Variants in ZNF365 observed in about 807,000 individuals in gnomAD.
ZNF365 encodes zinc finger protein 365.
In ZNF365, 22 loss-of-function variants were observed where a neutral mutation model predicts 35.0. The ratio of observed to expected loss-of-function variants is 0.63; its 90% CI spans 0.45 to 0.90. The LOEUF is 0.90. Ranked by LOEUF, ZNF365 falls within the 40% of genes least tolerant of loss-of-function variation. ZNF365 has a pLI of 0.00. For synonymous variants in ZNF365, 188 were observed against 196.2 expected (o/e 0.96, Z 0.35); for missense variants, 448 against 500.3 (o/e 0.90, Z 1.00).
intron 3 of ZNF365, among the ~76,000 whole-genome samples, chr10:62,446,565 G>A (rs925684221): frequency 1.3e-5 from 2 of 151,344 alleles, no homozygotes; most frequent in African/African-American, 4.9e-5. Context: ...CTAGGCAGAA[G>A]GAAACAGCAA....
rs151086348 is a variant in ZNF365 at position 62,447,172 on chromosome 10, G to T, written c.925-12569G>T. On this transcript the variant is annotated intron_variant, in intron 3 of 4. Coordinates refer to the ZNF365 transcript ENST00000395255. ...AAGAAATTTGGGCCTTTTAATAATT[G>T]AGTACAAAAATACATACATTAATAC... 1.8e-3 allele frequency among the ~76,000 whole-genome samples: 268 copies of T among 152,194 alleles called. 1 individual carries two copies. The highest frequency in any genetic ancestry group is 5.9e-3 in the African/African-American group (244 of 41,514).
downstream of ZNF365, among the ~76,000 whole-genome samples, chr10:62,404,838 T>C (rs1015429599): frequency 6.6e-6 from 1 of 152,214 alleles, no homozygotes; most frequent in African/African-American, 2.4e-5. Flanking sequence ...GTCAACATGG[T>C]AACTTGATTT....
At position 62,400,980 on chromosome 10, in the gene ZNF365, T is replaced by C. The variant is rs920581133; in HGVS notation, c.*1191T>C. ...AATGGCTTTAGTTTCCACAAAGAGC[T>C]GTTAAGAATTTCCTGCTGTATGATT... On this transcript the variant is annotated 3_prime_UTR_variant, in exon 5 of 5. Coordinates refer to ENST00000395254, the MANE Select transcript of ZNF365 (RefSeq NM_014951.3). 8.3e-5 allele frequency: 82 copies of C among 985,448 alleles called. No homozygotes were observed. The African/African-American group carries it at 1.2e-3, about 15-fold the overall frequency. 61.0% of individuals were successfully genotyped at this position (985,448 alleles called of 1,614,324 possible). A position where few individuals can be genotyped will look rare whatever the true frequency, so the allele number is the denominator to read the frequency against.
At chr10:62,413,628 T>G (rs2393880) in intron 3 of ZNF365, among the ~76,000 whole-genome samples, 152,055 of 152,182 alleles carry the variant, frequency 1, 75,964 homozygotes, top group Non-Finnish European at 1. Flanking sequence ...TTTAAAAATG[T>G]TCTGTAGTCC....
chr10:62,399,465 G>A, intron 4 of ZNF365, 63 bp from the exon 5 acceptor site: 1 of 1,577,348 alleles, frequency 6.3e-7, no homozygotes, highest in East Asian at 2.2e-5. Context: ...ATTCTTTTAA[G>A]GTTTTAAAGA....
intron 4 of ZNF365, among the ~76,000 whole-genome samples, chr10:62,474,095 G>A (rs747725679): frequency 3.7e-4 from 56 of 152,218 alleles, no homozygotes; most frequent in Non-Finnish European, 4.9e-4. Context: ...GAAAGAACAA[G>A]TAGAGTGTTC....
chr10:62,400,757 C>G lies in ZNF365; in HGVS notation c.*968C>G. The G allele has an allele frequency of 1.0e-6, 1 of 985,736 alleles. No homozygotes were observed. The highest frequency in any genetic ancestry group is 1.2e-6 in the Non-Finnish European group (1 of 830,090). 61.1% of individuals were successfully genotyped at this position (985,736 alleles called of 1,614,324 possible). A position where few individuals can be genotyped will look rare whatever the true frequency, so the allele number is the denominator to read the frequency against. On this transcript the variant is annotated 3_prime_UTR_variant, in exon 5 of 5. Transcript: ENST00000395254. ...CTCTCTCTGCTATGGGCATGACTTT[C>G]TCTTCGCTGGCTTAACTTTTCCACT...
downstream of ZNF365, among the ~76,000 whole-genome samples, chr10:62,405,848 C>T (rs1217755389): frequency 2.0e-5 from 3 of 152,224 alleles, no homozygotes; most frequent in Admixed American, 1.3e-4. Context: ...CTCAACCTCT[C>T]CTCTTTCCAA....
At chr10:62,453,396 G>T (rs1038336336) in intron 3 of ZNF365, among the ~76,000 whole-genome samples, 2 of 152,290 alleles carry the variant, frequency 1.3e-5, no homozygotes, top group African/African-American at 2.4e-5. Flanking sequence ...TTGTCTTTCT[G>T]TTTCTGAGTT....
At chr10:62,446,428 A>G (rs1840590164) in intron 3 of ZNF365, among the ~76,000 whole-genome samples, 1 of 152,212 alleles carries the variant, frequency 6.6e-6, no homozygotes, top group Non-Finnish European at 1.5e-5. Flanking sequence ...TAGGTAGTTG[A>G]GAATATTAAA....
At chr10:62,466,695 T>C (rs1328778939) in intron 4 of ZNF365, among the ~76,000 whole-genome samples, 2 of 147,098 alleles carry the variant, frequency 1.4e-5, no homozygotes, top group East Asian at 1.9e-4. Context: ...GTATATACTA[T>C]AGTTTTTTTT....
At chr10:62,457,000 G>T (rs1840771798) in intron 3 of ZNF365, among the ~76,000 whole-genome samples, 2 of 152,134 alleles carry the variant, frequency 1.3e-5, no homozygotes, top group Non-Finnish European at 2.9e-5. Flanking sequence ...TCAGCTGGGG[G>T]TCAGCTAATT....
At chr10:62,463,589 A>G (rs1179723189) in intron 4 of ZNF365, among the ~76,000 whole-genome samples, 1 of 152,240 alleles carries the variant, frequency 6.6e-6, no homozygotes, top group African/African-American at 2.4e-5. Context: ...TAATAACTAT[A>G]ATCAATGCAG....
chr10:62,396,863 G>A lies in ZNF365; in HGVS notation c.925-1877G>A, dbSNP rs372154699. Among the ~76,000 whole-genome samples the A allele has an allele frequency of 1.3e-3, 192 of 152,126 alleles. No homozygotes were observed. In the Middle Eastern group the frequency reaches 0.014, roughly 11 times the overall value. ...CACTTACATACATACAAACGGTAAA[G>A]TGAACACATTTTGTTATGCTCTAAT... On this transcript the variant is annotated intron_variant, in intron 3 of 4. Coordinates refer to ENST00000395254, the MANE Select transcript of ZNF365 (RefSeq NM_014951.3).
chr10:62,404,003 T>C (rs1022411790), downstream of ZNF365, among the ~76,000 whole-genome samples: 2 of 152,232 alleles, frequency 1.3e-5, no homozygotes, highest in Non-Finnish European at 2.9e-5. Context: ...TTTTCTTTTG[T>C]GTTCCTTTTT....
chr10:62,437,858 CTTGA>C (rs1399995380), intron 3 of ZNF365, among the ~76,000 whole-genome samples: 1 of 152,178 alleles, frequency 6.6e-6, no homozygotes. Context: ...AAACCACAGG[CTTGA>C]TTATGTAGGT....
intron 3 of ZNF365, among the ~76,000 whole-genome samples, chr10:62,441,896 G>C (rs1195045190): frequency 6.6e-6 from 1 of 152,180 alleles, no homozygotes; most frequent in African/African-American, 2.4e-5. Flanking sequence ...GTGGGAGGCA[G>C]AATAGATGGT....
chr10:62,401,022 T>G lies in ZNF365; in HGVS notation c.*1233T>G, dbSNP rs1001840719. The G allele has an allele frequency of 1.0e-6, 1 of 985,422 alleles. No individual in the cohort carries two copies. The highest frequency in any genetic ancestry group is 1.7e-5 in the African/African-American group (1 of 57,222). 61.0% of individuals were successfully genotyped at this position (985,422 alleles called of 1,614,324 possible). A position where few individuals can be genotyped will look rare whatever the true frequency, so the allele number is the denominator to read the frequency against. ...TGTATGATTTTCCTCAAGAATGAAT[T>G]TCCATGTTATTTTTTCCTTAAATTT... On this transcript the variant is annotated 3_prime_UTR_variant, in exon 5 of 5. Coordinates refer to ENST00000395254, the MANE Select transcript of ZNF365 (RefSeq NM_014951.3).
chr10:62,452,541 T>G (rs540541661), intron 3 of ZNF365, among the ~76,000 whole-genome samples: 1 of 152,348 alleles, frequency 6.6e-6, no homozygotes, highest in South Asian at 2.1e-4. Flanking sequence ...AGCTACATAT[T>G]AAGTTATTGC....
Sources: gnomAD v4.1 joint callset for allele counts (sites outside exome capture counted in the v4.1 genomes callset) on GRCh38, gnomAD v4.1.1 for gene constraint, MANE v1.5 for transcripts, NCBI Gene and HGNC (gene_info 2026-07-23, HGNC 2026-07-21) for gene names.